CALD1: variants seen among roughly 807,000 people sequenced by gnomAD.
CALD1 encodes caldesmon 1, also known as caldesmon.
A neutral mutation model predicts 99.9 loss-of-function variants in CALD1; 33 were observed. The ratio of observed to expected loss-of-function variants is 0.33; its 90% CI spans 0.25 to 0.44. The LOEUF (loss-of-function observed/expected upper bound fraction) is 0.44, where lower values mean the gene tolerates loss of function less well. CALD1 is among the 20% of genes least tolerant of loss of function. The pLI, the probability that CALD1 is intolerant of heterozygous loss-of-function variation, is 1.00. For synonymous variants in CALD1, 310 were observed against 325.0 expected (o/e 0.95, Z 0.50); for missense variants, 861 against 962.1 (o/e 0.89, Z 1.39).
rs543470577 is a variant in CALD1 at position 134,912,304 on chromosome 7, A to G, written c.72-16450A>G. On this transcript the variant is annotated intron_variant, in intron 3 of 14. Transcript: ENST00000361675. ...TGTCTTTTCAGCATTCTGTGACTCAAGGCAGTTTACTTGACTGGGTAAATG... is the reference window on the plus strand; with the variant it reads ...TGTCTTTTCAGCATTCTGTGACTCAGGGCAGTTTACTTGACTGGGTAAATG... Among the ~76,000 whole-genome samples the G allele has an allele frequency of 7.9e-5, 12 of 152,330 alleles. No homozygotes were observed. In the East Asian group the frequency reaches 2.3e-3, roughly 29 times the overall value.
chr7:134,879,657 C>T (rs1296910735), intron 3 of CALD1, among the ~76,000 whole-genome samples: 4 of 152,122 alleles, frequency 2.6e-5, no homozygotes, highest in Non-Finnish European at 5.9e-5. Flanking sequence ...TATGTATTCA[C>T]CATTTGAATA....
At chr7:134,954,549 G>A (rs1807620375) in intron 9 of CALD1, among the ~76,000 whole-genome samples, 1 of 152,168 alleles carries the variant, frequency 6.6e-6, no homozygotes, top group South Asian at 2.1e-4. Flanking sequence ...CTGACAAAAT[G>A]TGCGAAATGC....
intron 3 of CALD1, among the ~76,000 whole-genome samples, chr7:134,886,942 G>A (rs1310606282): frequency 6.6e-6 from 1 of 152,170 alleles, no homozygotes. Flanking sequence ...CTTGCTTGTA[G>A]TAAACATTCC....
At chr7:134,771,921 A>G (rs1489263560) in intron 1 of CALD1, among the ~76,000 whole-genome samples, 1 of 151,678 alleles carries the variant, frequency 6.6e-6, no homozygotes, top group Non-Finnish European at 1.5e-5. Context: ...CTTTTTTTAA[A>G]TTTTTTTATA....
At chr7:134,863,520 G>A (rs7803324) in intron 2 of CALD1, among the ~76,000 whole-genome samples, 2,156 of 152,246 alleles carry the variant, frequency 0.014, 50 homozygotes, top group African/African-American at 0.049. Context: ...ATTTACACAC[G>A]TGCTCATGCA....
intron 1 of CALD1, among the ~76,000 whole-genome samples, chr7:134,810,914 G>A (rs1050567352): frequency 6.6e-6 from 1 of 152,084 alleles, no homozygotes; most frequent in Admixed American, 6.5e-5. Flanking sequence ...CTGTCAGCCA[G>A]GCAAATTGTT....
intron 2 of CALD1, among the ~76,000 whole-genome samples, chr7:134,850,179 G>A (rs1019980761): frequency 7.9e-5 from 12 of 152,238 alleles, no homozygotes; most frequent in East Asian, 5.8e-4. Flanking sequence ...AAATATGAAC[G>A]GAACCTAACA....
chr7:134,781,860 TA>T (rs1404101103), intron 1 of CALD1, among the ~76,000 whole-genome samples: 2 of 152,236 alleles, frequency 1.3e-5, no homozygotes, highest in Non-Finnish European at 2.9e-5. Context: ...AACTGCAGTT[TA>T]AAGGATTTTA....
chr7:134,734,416 A>T, the CALD1 span, among the ~76,000 whole-genome samples: 1 of 152,202 alleles, frequency 6.6e-6, no homozygotes, highest in Admixed American at 6.5e-5. Context: ...CCATGTGAAG[A>T]CACAAAGAAC....
the CALD1 span, among the ~76,000 whole-genome samples, chr7:134,721,495 T>C: frequency 0.012 from 1,759 of 152,242 alleles, 28 homozygotes; most frequent in African/African-American, 0.038. Flanking sequence ...CAGTTTCTAC[T>C]GTTCTACTGC....
the CALD1 span, among the ~76,000 whole-genome samples, chr7:134,732,694 C>G: frequency 6.6e-6 from 1 of 152,168 alleles, no homozygotes; most frequent in Non-Finnish European, 1.5e-5. Context: ...TACCTCTGTC[C>G]CCAAATGACA....
At chr7:134,861,525 G>T (rs144257712) in intron 2 of CALD1, among the ~76,000 whole-genome samples, 1,618 of 152,312 alleles carry the variant, frequency 0.011, 17 homozygotes, top group Middle Eastern at 0.027. Context: ...GCAGGTGATA[G>T]GTGTGATTCA....
At chr7:134,751,491 G>T (rs1796685598) in intron 1 of CALD1, among the ~76,000 whole-genome samples, 1 of 152,048 alleles carries the variant, frequency 6.6e-6, no homozygotes, top group Non-Finnish European at 1.5e-5. Flanking sequence ...AAGTTTTTCA[G>T]TTGGATCACC....
At chr7:134,857,173 T>C (rs1800341423) in intron 2 of CALD1, among the ~76,000 whole-genome samples, 1 of 105,898 alleles carries the variant, frequency 9.4e-6, no homozygotes, top group South Asian at 3.6e-4. Context: ...TTTTTTTTTT[T>C]TTTTTTTTTT....
intron 1 of CALD1, among the ~76,000 whole-genome samples, chr7:134,811,599 TAACTC>T (rs1438198422): frequency 1.3e-5 from 2 of 152,220 alleles, no homozygotes; most frequent in Admixed American, 1.3e-4. Flanking sequence ...AATTAACTGA[TAACTC>T]AGGCACAATG....
At chr7:134,958,885 A>ATATATATATATTTAAC (rs1554479081) in intron 11 of CALD1, among the ~76,000 whole-genome samples, 1,518 of 46,718 alleles carry the variant, frequency 0.032, 21 homozygotes, top group South Asian at 0.061. Context: ...ATATATATAT[A>ATATATATATATTTAAC]TATATATATA....
chr7:134,929,628 G>GTATATATACACACACATATACACACA (rs1554468170), intron 4 of CALD1, among the ~76,000 whole-genome samples: 14 of 1,262 alleles, frequency 0.011, 1 homozygote, highest in African/African-American at 0.025. Context: ...ATACGTGTGT[G>GTATATATACACACACATATACACACA]TGTGTGTGTG....
intron 3 of CALD1, among the ~76,000 whole-genome samples, chr7:134,879,420 C>T (rs186367269): frequency 4.6e-4 from 70 of 152,336 alleles, no homozygotes; most frequent in East Asian, 1.3e-3. Context: ...CCTGCATTAA[C>T]GCAGACTGTT....
At chr7:134,851,075 A>G (rs569787435) in intron 2 of CALD1, among the ~76,000 whole-genome samples, 2 of 152,334 alleles carry the variant, frequency 1.3e-5, no homozygotes, top group Middle Eastern at 6.8e-3. Flanking sequence ...AGTCTCAGGT[A>G]TGTCTTTACT....
Sources: allele counts gnomAD v4.1 joint callset (sites outside exome capture counted in the v4.1 genomes callset), GRCh38; gene constraint gnomAD v4.1.1; transcripts MANE v1.5; gene names NCBI Gene and HGNC (gene_info 2026-07-23, HGNC 2026-07-21).